GOLT1B: variants seen among roughly 807,000 people sequenced by gnomAD.
The protein encoded by GOLT1B is golgi transport 1B.
A neutral mutation model predicts 15.4 loss-of-function variants in GOLT1B; 3 were observed. The observed-to-expected ratio is 0.19, with a 90% CI of 0.09 to 0.50. The LOEUF is 0.50. GOLT1B is among the 20% of genes least tolerant of loss of function. The probability of loss-of-function intolerance (pLI) is 0.97; values close to 1 mark genes in which losing one functional copy is unlikely to be tolerated. For synonymous variants in GOLT1B, 65 were observed against 56.2 expected, an observed-to-expected ratio of 1.16 and a Z score of -0.70; for missense variants, 145 against 160.4, an observed-to-expected ratio of 0.90 and a Z score of 0.52.
At chr12:21,512,274 C>T (rs760841030) in intron 3 of GOLT1B, 21 bp from the exon 4 acceptor site, 5 of 1,253,686 alleles carry the variant, frequency 4.0e-6, no homozygotes, top group East Asian at 4.6e-5. Context: ...ATATTAAGAA[C>T]CTTTTTTTTC....
Position 21,512,327 on chromosome 12 carries a change from G to T in GOLT1B, c.329G>T (p.Arg110Ile). The change falls in exon 4 of 5, where the codon AGA becomes ATA. Residue 110 changes from arginine to isoleucine, a missense_variant. Transcript: ENST00000229314. ...TTTCCTGTCGTTGTTGGCTTTATTA[G>T]AAGAGTGCCAGTCCTTGGATCCCTC... The part of the protein sequence containing the change: ...GFFPVVVGFI[R>I]RVPVLGSLLN... The T allele has an allele frequency of 6.3e-7, 1 of 1,579,790 alleles. No individual in the cohort carries two copies. Among genetic ancestry groups the T allele is most frequent in the Non-Finnish European group, 8.7e-7 (1 of 1,149,548 alleles).
intron 1 of GOLT1B, among the ~76,000 whole-genome samples, chr12:21,503,246 A>G (rs563298400): frequency 1.3e-5 from 2 of 152,344 alleles, no homozygotes; most frequent in Admixed American, 1.3e-4. Context: ...TTTCATGTGA[A>G]TCATTATGCA....
intron 2 of GOLT1B, chr12:21,507,834 A>T (rs917148625): frequency 5.2e-6 from 2 of 384,950 alleles, no homozygotes; most frequent in South Asian, 2.0e-5. Flanking sequence ...TTGTATTTTT[A>T]TTTCTGCTGC....
At chr12:21,507,589 TAAAG>T (rs1182026218) in intron 2 of GOLT1B, among the ~76,000 whole-genome samples, 2 of 151,846 alleles carry the variant, frequency 1.3e-5, no homozygotes, top group African/African-American at 4.8e-5. Context: ...TGGGAAAAGA[TAAAG>T]AATAGCAAAA....
intron 4 of GOLT1B, among the ~76,000 whole-genome samples, chr12:21,513,997 G>A (rs1358999036): frequency 6.6e-6 from 1 of 152,142 alleles, no homozygotes; most frequent in African/African-American, 2.4e-5. Context: ...TGACCTCAGG[G>A]AACTTGCTCA....
intron 4 of GOLT1B, among the ~76,000 whole-genome samples, chr12:21,512,832 A>G (rs1200523263): frequency 6.6e-6 from 1 of 152,142 alleles, no homozygotes; most frequent in Non-Finnish European, 1.5e-5. Flanking sequence ...TGGGAGGCTG[A>G]GGTGGGTGAA....
At chr12:21,514,812 GAATAT>G (rs1476184207) in intron 4 of GOLT1B, among the ~76,000 whole-genome samples, 2 of 152,018 alleles carry the variant, frequency 1.3e-5, no homozygotes, top group East Asian at 3.9e-4. Flanking sequence ...CAATACAATA[GAATAT>G]GTTTCTTATC....
At position 21,501,818 on chromosome 12, in the gene GOLT1B, C is replaced by T. The variant is rs1468949288; in HGVS notation, c.-106C>T. 4.4e-5 allele frequency: 34 copies of T among 778,952 alleles called. No homozygotes were observed. The highest frequency in any genetic ancestry group is 6.8e-5 in the Non-Finnish European group (30 of 441,492). The allele number at this position is 778,952 out of a possible 1,614,324, so 48.3% of individuals were successfully genotyped here. ...AGGGTGGCTGCGTGTTTCCGGAAGA[C>T]GTGGCGGCTCTCGCCTGGGCTGTTT... On this transcript the variant is annotated 5_prime_UTR_variant, in exon 1 of 5. The change creates a new upstream start codon in the 5' untranslated region. Coordinates refer to ENST00000229314, the MANE Select transcript of GOLT1B (RefSeq NM_016072.5).
chr12:21,512,481 T>TA (rs1943727224), intron 4 of GOLT1B, 105 bp downstream of exon 4: 4 of 699,426 alleles, frequency 5.7e-6, no homozygotes, highest in Non-Finnish European at 7.8e-6. Flanking sequence ...AGTTTTGTAT[T>TA]ATGATATAGT....
chr12:21,506,595 C>A (rs1173419925), intron 1 of GOLT1B, among the ~76,000 whole-genome samples: 3 of 151,916 alleles, frequency 2.0e-5, no homozygotes, highest in African/African-American at 7.2e-5. Context: ...CATATTAAAA[C>A]CAAAGGTTTA....
At chr12:21,503,934 A>G (rs1943659470) in intron 1 of GOLT1B, among the ~76,000 whole-genome samples, 1 of 152,222 alleles carries the variant, frequency 6.6e-6, no homozygotes, top group Admixed American at 6.5e-5. Flanking sequence ...CTAAATCTTC[A>G]TTTCATCACA....
chr12:21,501,891 G>A lies in GOLT1B; in HGVS notation c.-33G>A. On this transcript the variant is annotated 5_prime_UTR_variant, in exon 1 of 5. Coordinates refer to ENST00000229314, the MANE Select transcript of GOLT1B (RefSeq NM_016072.5). ...CAGCTTCCCACCCTGGGCTTTCCGAGGTGCTGTCGCCGCTGTCCCCACCAC... is the reference window on the plus strand; with the variant it reads ...CAGCTTCCCACCCTGGGCTTTCCGAAGTGCTGTCGCCGCTGTCCCCACCAC... 3 of 1,554,172 alleles carry A rather than the reference G, an allele frequency of 1.9e-6. No individual in the cohort carries two copies. In the Admixed American group the frequency reaches 5.0e-5, roughly 26 times the overall value.
chr12:21,503,117 T>C (rs775075106), intron 1 of GOLT1B, among the ~76,000 whole-genome samples: 4 of 152,216 alleles, frequency 2.6e-5, no homozygotes, highest in Non-Finnish European at 5.9e-5. Context: ...CTTTGGTCCA[T>C]TGGCCTGGCC....
rs1430983196 is a variant in GOLT1B at position 21,517,382 on chromosome 12, T to TA, written c.*1675_*1676insA. On this transcript the variant is annotated 3_prime_UTR_variant, in exon 5 of 5. Coordinates refer to ENST00000229314, the MANE Select transcript of GOLT1B (RefSeq NM_016072.5). The stretch of plus-strand genomic sequence containing the variant: ...TAATGGAATAATAAGAGGCTACTGT[T>TA]GTGTCTAATGTTCTTCAAAAAAGTA... 6.6e-6 allele frequency: 1 copy of TA among 152,592 alleles called. No individual in the cohort carries two copies. Among genetic ancestry groups the TA allele is most frequent in the East Asian group, 1.9e-4 (1 of 5,184 alleles). 9.5% of individuals were successfully genotyped at this position (152,592 alleles called of 1,614,324 possible).
At chr12:21,510,302 T>G (rs12582513) in intron 3 of GOLT1B, among the ~76,000 whole-genome samples, 73,546 of 151,792 alleles carry the variant, frequency 0.48, 18,942 homozygotes, top group East Asian at 0.67. Context: ...TGAAGAAGAG[T>G]TTGTTTTGGC....
intron 3 of GOLT1B, among the ~76,000 whole-genome samples, chr12:21,509,151 C>T (rs528934130): frequency 6.6e-6 from 1 of 152,036 alleles, no homozygotes; most frequent in African/African-American, 2.4e-5. Context: ...GTAATCCCAG[C>T]ACTTTGGGAG....
intron 4 of GOLT1B, 100 bp downstream of exon 4, chr12:21,512,476 T>G: frequency 1.4e-6 from 1 of 717,224 alleles, no homozygotes; most frequent in Non-Finnish European, 2.5e-6. Context: ...TGCTGAGTTT[T>G]GTATTATGAT....
At chr12:21,514,757 T>G (rs1943743839) in intron 4 of GOLT1B, among the ~76,000 whole-genome samples, 1 of 152,196 alleles carries the variant, frequency 6.6e-6, no homozygotes, top group Admixed American at 6.5e-5. Context: ...TCATTATTTG[T>G]GCCCTTAATT....
At chr12:21,502,100 G>T in intron 1 of GOLT1B, 152 bp downstream of exon 1, 1 of 675,788 alleles carries the variant, frequency 1.5e-6, no homozygotes, top group Admixed American at 2.3e-5. Context: ...CTAAGGGGCT[G>T]CCTTCGGGAT....
Sources: allele counts gnomAD v4.1 joint callset (sites outside exome capture counted in the v4.1 genomes callset), GRCh38; gene constraint gnomAD v4.1.1; transcripts MANE v1.5; gene names NCBI Gene and HGNC (gene_info 2026-07-23, HGNC 2026-07-21).